Variants in PCDH11X observed in about 807,000 individuals in gnomAD.
The protein encoded by PCDH11X is protocadherin-11 X-linked.
PCDH11X carries 18 observed loss-of-function variants against 53.3 expected under a neutral mutation model. That is an observed-to-expected ratio of 0.34 (90% CI 0.23 to 0.50). The LOEUF (loss-of-function observed/expected upper bound fraction) is 0.50. Ranked by LOEUF, PCDH11X falls within the 20% of genes least tolerant of loss-of-function variation. The probability of loss-of-function intolerance (pLI) is 0.98; values close to 1 mark genes in which losing one functional copy is unlikely to be tolerated. For missense variants in PCDH11X, 570 were observed against 1,032.4 expected (o/e 0.55, Z 6.14); for synonymous variants, 279 against 393.3 (o/e 0.71, Z 3.44).
At chrX:92,263,224 A>G (rs994575085) in intron 8 of PCDH11X, 81 bp downstream of exon 8, 6 of 832,553 alleles carry the variant, frequency 7.2e-6, no homozygotes, top group Admixed American at 3.1e-5. Flanking sequence ...TAGTCCATGG[A>G]GTTAAAACTG....
rs776377024 is a variant in PCDH11X at position 92,284,694 on chromosome X, A to T, written c.3144+21551A>T. ...TAAAATTGTGTACAAAAATATTTCT[A>T]CTGCCTACAAATCACAGTTTATTTT... On this transcript the variant is annotated intron_variant, in intron 8 of 10. Transcript: ENST00000682573. 5.6e-5 allele frequency among the ~76,000 whole-genome samples: 5 copies of T among 90,027 alleles called. No homozygotes were observed. In the South Asian group the frequency reaches 2.2e-3, roughly 40 times the overall value. The allele number at this position is 90,027 out of a possible 115,157, so 78.2% of individuals were successfully genotyped here. A position where few individuals can be genotyped will look rare whatever the true frequency, so the allele number is the denominator to read the frequency against.
At chrX:91,991,352 CTTTTT>C (rs767822249) in intron 6 of PCDH11X, among the ~76,000 whole-genome samples, 1 of 55,019 alleles carries the variant, frequency 1.8e-5, no homozygotes, top group Admixed American at 2.1e-4. Flanking sequence ...TTAAGACTTT[CTTTTT>C]TTTTTTTTTT....
At chrX:91,969,403 TAA>T (rs11355574) in intron 6 of PCDH11X, among the ~76,000 whole-genome samples, 5 of 102,037 alleles carry the variant, frequency 4.9e-5, no homozygotes, top group South Asian at 9.2e-4. Context: ...CTTGTTAGAT[TAA>T]AAAAAAAAGT....
rs1175917693 is a variant in PCDH11X at position 92,221,234 on chromosome X, G to T, written c.3114+19779G>T. 5.8e-4 allele frequency among the ~76,000 whole-genome samples: 33 copies of T among 56,853 alleles called. 1 individual carries two copies. Among genetic ancestry groups the T allele is most frequent in the African/African-American group, 1.8e-3 (28 of 15,524 alleles). The allele number at this position is 56,853 out of a possible 115,157, so 49.4% of individuals were successfully genotyped here. ...AAAATAAATAAAAATAAATAAAAAT[G>T]AAAAATTGCTCATTTTTTTTTTAAA... On this transcript the variant is annotated intron_variant, in intron 7 of 10. Transcript: ENST00000682573.
intron 10 of PCDH11X, among the ~76,000 whole-genome samples, chrX:92,521,624 C>T (rs2074371779): frequency 8.9e-6 from 1 of 111,780 alleles, no homozygotes; most frequent in Admixed American, 9.6e-5. Context: ...GGGACTCAGC[C>T]TGTCCTCTGA....
At chrX:92,332,683 T>A (rs1198506211) in intron 8 of PCDH11X, among the ~76,000 whole-genome samples, 1 of 111,604 alleles carries the variant, frequency 9.0e-6, no homozygotes, top group Non-Finnish European at 1.9e-5. Context: ...ACGAATTGGG[T>A]AATTTGACCA....
intron 6 of PCDH11X, among the ~76,000 whole-genome samples, chrX:92,163,655 A>G (rs1353159727): frequency 1.8e-5 from 2 of 110,936 alleles, no homozygotes; most frequent in Non-Finnish European, 3.8e-5. Flanking sequence ...CCCCTTTCCC[A>G]CTGTCACAGC....
intron 6 of PCDH11X, among the ~76,000 whole-genome samples, chrX:92,153,804 C>T (rs1051938154): frequency 6.3e-5 from 7 of 110,328 alleles, no homozygotes; most frequent in African/African-American, 2.3e-4. Context: ...AAGGAAACAA[C>T]AGATGTAGCA....
intron 6 of PCDH11X, among the ~76,000 whole-genome samples, chrX:92,129,852 A>G (rs1246471412): frequency 9.0e-6 from 1 of 111,401 alleles, no homozygotes; most frequent in African/African-American, 3.3e-5. Flanking sequence ...GTTCTTCCAC[A>G]TAAAATATTC....
At chrX:92,232,962 A>G (rs1435791009) in intron 7 of PCDH11X, among the ~76,000 whole-genome samples, 13 of 111,159 alleles carry the variant, frequency 1.2e-4, no homozygotes, top group East Asian at 5.7e-4. Context: ...TGATCCGCCC[A>G]CCGCGGCCTC....
intron 6 of PCDH11X, among the ~76,000 whole-genome samples, chrX:92,130,809 T>A (rs1489300172): frequency 9.0e-6 from 1 of 111,410 alleles, no homozygotes; most frequent in Non-Finnish European, 1.9e-5. Flanking sequence ...TATAATTTTA[T>A]GTTAATGGAA....
intron 10 of PCDH11X, among the ~76,000 whole-genome samples, chrX:92,580,739 A>G (rs1438519842): frequency 8.9e-6 from 1 of 111,862 alleles, no homozygotes; most frequent in African/African-American, 3.3e-5. Context: ...CTTGGGACCC[A>G]AGGCCCTGGT....
intron 9 of PCDH11X, among the ~76,000 whole-genome samples, chrX:92,419,352 C>T (rs1368795016): frequency 3.9e-5 from 4 of 102,424 alleles, no homozygotes; most frequent in African/African-American, 7.2e-5. Flanking sequence ...CTCCAGGGCT[C>T]AAGAGATTCT....
At chrX:91,973,744 A>ATAGGT (rs1330970708) in intron 6 of PCDH11X, among the ~76,000 whole-genome samples, 1 of 104,416 alleles carries the variant, frequency 9.6e-6, no homozygotes, top group Non-Finnish European at 2.0e-5. Context: ...ACTCCCAAGT[A>ATAGGT]GCTGGGATTA....
intron 6 of PCDH11X, among the ~76,000 whole-genome samples, chrX:92,071,326 T>G (rs1158135091): frequency 1.8e-5 from 2 of 110,921 alleles, no homozygotes; most frequent in Non-Finnish European, 3.8e-5. Context: ...ACTCTAGAAT[T>G]GTTGGATTTA....
intron 6 of PCDH11X, among the ~76,000 whole-genome samples, chrX:92,089,665 G>C (rs2064016838): frequency 9.6e-6 from 1 of 104,300 alleles, no homozygotes. Flanking sequence ...TGGGATTACA[G>C]GCACATGCCA....
At chrX:92,308,266 T>G (rs1300341642) in intron 8 of PCDH11X, among the ~76,000 whole-genome samples, 1 of 111,638 alleles carries the variant, frequency 9.0e-6, no homozygotes, top group African/African-American at 3.3e-5. Context: ...AAAGCCATAG[T>G]GATCAAAACA....
intron 10 of PCDH11X, among the ~76,000 whole-genome samples, chrX:92,496,876 A>T (rs1472976822): frequency 1.9e-5 from 2 of 107,921 alleles, no homozygotes; most frequent in East Asian, 5.9e-4. Flanking sequence ...TTGCCTAGTT[A>T]GTTCTCAGTC....
At chrX:92,191,288 T>C (rs2066187940) in intron 6 of PCDH11X, among the ~76,000 whole-genome samples, 1 of 112,339 alleles carries the variant, frequency 8.9e-6, no homozygotes, top group African/African-American at 3.2e-5. Flanking sequence ...GACTTGTTGC[T>C]TTTCCTAATT....
Sources: allele counts gnomAD v4.1 joint callset (sites outside exome capture counted in the v4.1 genomes callset), GRCh38; gene constraint gnomAD v4.1.1; transcripts MANE v1.5; gene names NCBI Gene and HGNC (gene_info 2026-07-23, HGNC 2026-07-21).